The following FREM1 variants were observed in gnomAD, a reference collection of about 807,000 sequenced individuals.
FREM1 encodes the protein FRAS1-related extracellular matrix protein 1.
Under a neutral mutation model 210.1 loss-of-function variants are expected in FREM1, and 220 were observed. The ratio of observed to expected loss-of-function variants is 1.05; its 90% CI spans 0.94 to 1.17. The LOEUF (loss-of-function observed/expected upper bound fraction) is 1.17. Among genes scored for constraint, FREM1 ranks in the 50% most tolerant of loss-of-function variants. FREM1 has a pLI of 0.00. For synonymous variants in FREM1, 1,189 were observed against 980.2 expected, an observed-to-expected ratio of 1.21 and a Z score of -3.98; for missense variants, 3,454 against 2,675.5, an observed-to-expected ratio of 1.29 and a Z score of -6.42.
At chr9:14,748,925 C>A (rs1477560337) in intron 30 of FREM1, among the ~76,000 whole-genome samples, 1 of 152,170 alleles carries the variant, frequency 6.6e-6, no homozygotes, top group Non-Finnish European at 1.5e-5. Flanking sequence ...ATATCATATA[C>A]TGGGGGGAAA....
chr9:14,860,556 C>CACATATATATATACACATATATATAT lies in FREM1; in HGVS notation c.330-1073_330-1072insATATATATATGTGTATATATATATGT, dbSNP rs1564098661. 1.4e-3 allele frequency among the ~76,000 whole-genome samples: 88 copies of CACATATATATATACACATATATATAT among 63,172 alleles called. 8 individuals are homozygous for CACATATATATATACACATATATATAT. In the Middle Eastern group the frequency reaches 0.029, roughly 21 times the overall value. 41.4% of individuals were successfully genotyped at this position (63,172 alleles called of 152,430 possible). On this transcript the variant is annotated intron_variant, in intron 3 of 36. Transcript: ENST00000380880. ...ATGTATATATATACACATATATATA[C>CACATATATATATACACATATATATAT]ACACATATATATACACATATATATA...
chr9:14,893,617 A>G (rs1437109554), intron 1 of FREM1, among the ~76,000 whole-genome samples: 1 of 152,244 alleles, frequency 6.6e-6, no homozygotes, highest in Non-Finnish European at 1.5e-5. Flanking sequence ...ATATTTTGCT[A>G]GAAAAGTAAA....
intron 29 of FREM1, among the ~76,000 whole-genome samples, chr9:14,752,252 T>C (rs772125514): frequency 2.2e-4 from 34 of 152,038 alleles, no homozygotes; most frequent in Middle Eastern, 6.8e-3. Flanking sequence ...ACAGAATAGA[T>C]TGTAGAGCCT....
intron 1 of FREM1, among the ~76,000 whole-genome samples, chr9:14,871,127 G>C (rs1300619742): frequency 6.6e-6 from 1 of 152,136 alleles, no homozygotes; most frequent in Non-Finnish European, 1.5e-5. Context: ...GTGTGCATGT[G>C]TCTTTATAGC....
At chr9:14,780,229 T>G (rs1053719722) in intron 24 of FREM1, among the ~76,000 whole-genome samples, 2 of 151,996 alleles carry the variant, frequency 1.3e-5, no homozygotes, top group Non-Finnish European at 2.9e-5. Flanking sequence ...TGAGAAGAGA[T>G]GCAGCCAAGA....
intron 23 of FREM1, among the ~76,000 whole-genome samples, chr9:14,787,194 G>C (rs184144778): frequency 9.1e-4 from 138 of 152,268 alleles, no homozygotes; most frequent in Non-Finnish European, 1.4e-3. Context: ...CTTTAGTATA[G>C]TCTTGTTTAG....
intron 3 of FREM1, 27 bp downstream of exon 3, chr9:14,863,782 A>C (rs770137914): frequency 1.8e-5 from 26 of 1,417,890 alleles, no homozygotes; most frequent in Non-Finnish European, 2.5e-5. Context: ...CTTGGCAGCA[A>C]ATGAGCGATG....
chr9:14,878,304 A>C (rs1834147110), intron 1 of FREM1, among the ~76,000 whole-genome samples: 1 of 151,708 alleles, frequency 6.6e-6, no homozygotes, highest in African/African-American at 2.4e-5. Flanking sequence ...CTTTTCCTCA[A>C]ACAAATCAAG....
intron 1 of FREM1, among the ~76,000 whole-genome samples, chr9:14,873,619 A>C (rs893851243): frequency 3.2e-4 from 49 of 151,976 alleles, no homozygotes; most frequent in African/African-American, 1.1e-3. Context: ...AAAAAACCAG[A>C]TCCTGGATTC....
Position 14,836,057 on chromosome 9 carries a change from A to G in FREM1, c.1881+5390T>C, listed in dbSNP as rs1278965370. Among the ~76,000 whole-genome samples, 1 of 152,168 alleles carries G rather than the reference A, an allele frequency of 6.6e-6. No homozygotes were observed. The highest frequency in any genetic ancestry group is 1.5e-5 in the Non-Finnish European group (1 of 68,014). Reference sequence around the variant, plus strand: ...TCTTGCAACTTCTGCCGGGTAATGAAAAGTGAGTAAGGTGCCCATAACTCT... The same window carrying G: ...TCTTGCAACTTCTGCCGGGTAATGAGAAGTGAGTAAGGTGCCCATAACTCT... On this transcript the variant is annotated intron_variant, in intron 10 of 36. Coordinates refer to ENST00000380880, the MANE Select transcript of FREM1 (RefSeq NM_001379081.2). The surrounding 1 kb of genome is among the most constrained non-coding windows in gnomAD (Gnocchi z 4.9).
intron 1 of FREM1, among the ~76,000 whole-genome samples, chr9:14,908,368 T>C (rs1818149735): frequency 6.6e-6 from 1 of 152,192 alleles, no homozygotes; most frequent in Non-Finnish European, 1.5e-5. Context: ...CCCAGGAGGC[T>C]GGGAAAGAAT....
chr9:14,828,802 T>C (rs1822993165), intron 10 of FREM1, among the ~76,000 whole-genome samples: 2 of 152,214 alleles, frequency 1.3e-5, no homozygotes, highest in African/African-American at 4.8e-5. Context: ...ATGTTTTGTA[T>C]TGTTAGTTTA....
intron 19 of FREM1, among the ~76,000 whole-genome samples, chr9:14,804,633 G>A (rs1818023109): frequency 1.3e-5 from 2 of 151,930 alleles, no homozygotes; most frequent in Non-Finnish European, 2.9e-5. Context: ...GAAGAGCAAG[G>A]GACAACTTCC....
chr9:14,806,602 C>T, intron 18 of FREM1, 59 bp downstream of exon 18: 1 of 990,508 alleles, frequency 1.0e-6, no homozygotes, highest in Non-Finnish European at 1.6e-6. Context: ...ATGACCTGGC[C>T]AATCGCTTCC....
chr9:14,804,390 C>T (rs1010987703), intron 19 of FREM1, among the ~76,000 whole-genome samples: 1 of 152,148 alleles, frequency 6.6e-6, no homozygotes, highest in Non-Finnish European at 1.5e-5. Context: ...TCAAGACCAT[C>T]CTGGCTAACA....
intron 1 of FREM1, among the ~76,000 whole-genome samples, chr9:14,884,540 G>A (rs185697271): frequency 1.5e-3 from 235 of 152,278 alleles, no homozygotes; most frequent in Middle Eastern, 6.8e-3. Context: ...AAACTTTTTG[G>A]GAAATTTTTT....
At chr9:14,867,983 C>T (rs1357852066) in intron 2 of FREM1, among the ~76,000 whole-genome samples, 1 of 151,952 alleles carries the variant, frequency 6.6e-6, no homozygotes, top group Middle Eastern at 3.2e-3. Context: ...CAATAGAATA[C>T]CCTTAAATAT....
At chr9:14,847,456 G>A (rs1305653085) in intron 7 of FREM1, among the ~76,000 whole-genome samples, 1 of 139,678 alleles carries the variant, frequency 7.2e-6, no homozygotes, top group Non-Finnish European at 1.6e-5. Context: ...GAGGGAGGGA[G>A]GGTGGGAGGG....
chr9:14,838,715 T>A lies in FREM1; in HGVS notation c.1881+2732A>T, dbSNP rs886318936. Among the ~76,000 whole-genome samples the A allele has an allele frequency of 3.9e-5, 6 of 152,154 alleles. No homozygotes were observed. In the South Asian group the frequency reaches 1.0e-3, roughly 26 times the overall value. On this transcript the variant is annotated intron_variant, in intron 10 of 36. Transcript: ENST00000380880. Reference sequence around the variant, plus strand: ...GCAGTTTGTAAGGGTCTACAATGAGTCAGATACCTAGGTCTAGAAACATTG... The same window carrying A: ...GCAGTTTGTAAGGGTCTACAATGAGACAGATACCTAGGTCTAGAAACATTG...
Sources: gnomAD v4.1 joint callset for allele counts (sites outside exome capture counted in the v4.1 genomes callset) on GRCh38, gnomAD v4.1.1 for gene constraint, Gnocchi (gnomAD v3.1) non-coding constraint, MANE v1.5 for transcripts, NCBI Gene and HGNC (gene_info 2026-07-23, HGNC 2026-07-21) for gene names.